SDK1: variants seen among roughly 807,000 people sequenced by gnomAD.
The protein encoded by SDK1 is sidekick cell adhesion molecule 1, also known as protein sidekick-1.
In SDK1, 157 loss-of-function variants were observed where a neutral mutation model predicts 245.5. The observed-to-expected ratio is 0.64, with a 90% CI of 0.56 to 0.73. The LOEUF is 0.73. Ranked by LOEUF, SDK1 falls within the 30% of genes least tolerant of loss-of-function variation. The pLI is 0.00. For missense variants in SDK1, 3,583 were observed against 3,002.3 expected, an observed-to-expected ratio of 1.19 and a Z score of -4.52; for synonymous variants, 1,647 against 1,278.5, an observed-to-expected ratio of 1.29 and a Z score of -6.15.
intron 22 of SDK1, among the ~76,000 whole-genome samples, chr7:4,104,767 G>A (rs764723577): frequency 1.3e-5 from 2 of 152,064 alleles, no homozygotes; most frequent in Non-Finnish European, 2.9e-5. Flanking sequence ...GCAGTGGTGT[G>A]ATCATAGCTA....
At chr7:4,073,992 C>T (rs1348999302) in intron 20 of SDK1, among the ~76,000 whole-genome samples, 2 of 152,074 alleles carry the variant, frequency 1.3e-5, no homozygotes, top group African/African-American at 2.4e-5. Context: ...ACAGTCTTCC[C>T]GGACATCGCC....
chr7:4,217,530 C>T lies in SDK1; in HGVS notation c.5540-2579C>T, dbSNP rs1191692771. On this transcript the variant is annotated intron_variant, in intron 38 of 44. Transcript: ENST00000404826. ...GAGCACCACACCACCCGGAGCACCA[C>T]ACCACCCGGAGCACCAGGCCACCCG... 2.6e-4 allele frequency among the ~76,000 whole-genome samples: 26 copies of T among 99,120 alleles called. 1 individual carries two copies. Among genetic ancestry groups the T allele is most frequent in the African/African-American group, 7.6e-4 (21 of 27,648 alleles). The allele number at this position is 99,120 out of a possible 152,430, so 65.0% of individuals were successfully genotyped here.
At chr7:3,979,334 C>T (rs1212078941) in intron 13 of SDK1, among the ~76,000 whole-genome samples, 3 of 152,252 alleles carry the variant, frequency 2.0e-5, no homozygotes, top group South Asian at 2.1e-4. Flanking sequence ...GAATGCTGTT[C>T]CCCCCTTTCC....
intron 22 of SDK1, among the ~76,000 whole-genome samples, chr7:4,097,710 TCTC>T (rs970911520): frequency 6.6e-6 from 1 of 152,144 alleles, no homozygotes; most frequent in African/African-American, 2.4e-5. Context: ...ACTACTTCTG[TCTC>T]CTCCTTCCCT....
chr7:3,967,743 G>A (rs1019090431), intron 10 of SDK1, among the ~76,000 whole-genome samples: 1 of 152,160 alleles, frequency 6.6e-6, no homozygotes, highest in Non-Finnish European at 1.5e-5. Flanking sequence ...TGGAGGGTGT[G>A]CGTTCCTATG....
chr7:3,497,254 G>T (rs1782052763), intron 1 of SDK1, among the ~76,000 whole-genome samples: 1 of 152,134 alleles, frequency 6.6e-6, no homozygotes, highest in Admixed American at 6.5e-5. Context: ...TGCCCCTAAG[G>T]TAGGCATTCC....
At chr7:3,890,204 C>G (rs545889070) in intron 5 of SDK1, among the ~76,000 whole-genome samples, 196 of 152,346 alleles carry the variant, frequency 1.3e-3, no homozygotes, top group African/African-American at 4.4e-3. Flanking sequence ...TCACCTGTGG[C>G]CTTTCTAGTC....
At chr7:3,381,694 T>C (rs1247670353) in intron 1 of SDK1, among the ~76,000 whole-genome samples, 2 of 151,992 alleles carry the variant, frequency 1.3e-5, no homozygotes, top group African/African-American at 4.8e-5. Context: ...CCAGGGGATA[T>C]GCTTTGAAGG....
chr7:3,644,790 A>AC (rs1337424643), intron 4 of SDK1, among the ~76,000 whole-genome samples: 2 of 141,802 alleles, frequency 1.4e-5, no homozygotes, highest in South Asian at 2.4e-4. Context: ...AAAAAAAAAA[A>AC]AACAAAAAAC....
At chr7:3,671,442 C>T (rs1464356646) in intron 4 of SDK1, among the ~76,000 whole-genome samples, 1 of 152,166 alleles carries the variant, frequency 6.6e-6, no homozygotes, top group Non-Finnish European at 1.5e-5. Context: ...TACTTTGTTG[C>T]TCATTGAATG....
intron 1 of SDK1, among the ~76,000 whole-genome samples, chr7:3,530,713 A>G (rs1482411117): frequency 1.3e-5 from 2 of 152,196 alleles, no homozygotes; most frequent in Non-Finnish European, 2.9e-5. Flanking sequence ...GTACATAAAT[A>G]AGGAAAATGT....
At chr7:3,640,123 A>G (rs1309424634) in intron 3 of SDK1, among the ~76,000 whole-genome samples, 1 of 152,146 alleles carries the variant, frequency 6.6e-6, no homozygotes, top group Non-Finnish European at 1.5e-5. Flanking sequence ...AGCCTTCCAA[A>G]GTGCTGGGAT....
intron 22 of SDK1, among the ~76,000 whole-genome samples, chr7:4,083,070 A>T (rs984369192): frequency 6.6e-5 from 10 of 152,012 alleles, no homozygotes; most frequent in African/African-American, 2.2e-4. Flanking sequence ...CAAATTGTTA[A>T]AAAAAAATGT....
intron 22 of SDK1, among the ~76,000 whole-genome samples, chr7:4,089,126 C>G (rs1444025733): frequency 6.8e-6 from 1 of 147,188 alleles, no homozygotes; most frequent in Admixed American, 6.6e-5. Flanking sequence ...GAGACCCTCC[C>G]TCAGGCGGAG....
chr7:4,142,135 G>C (rs1033422576), intron 28 of SDK1, among the ~76,000 whole-genome samples: 3 of 152,158 alleles, frequency 2.0e-5, no homozygotes, highest in African/African-American at 4.8e-5. Context: ...ATCCCACCTC[G>C]ACAGTGTGGA....
At chr7:3,425,476 A>ATAT (rs1779649948) in intron 1 of SDK1, among the ~76,000 whole-genome samples, 1 of 152,202 alleles carries the variant, frequency 6.6e-6, no homozygotes, top group South Asian at 2.1e-4. Context: ...ATATAACTTA[A>ATAT]TACCAGCATG....
At chr7:3,658,623 T>C (rs1301912512) in intron 4 of SDK1, among the ~76,000 whole-genome samples, 2 of 147,504 alleles carry the variant, frequency 1.4e-5, no homozygotes, top group Admixed American at 6.7e-5. Context: ...TTTTTTTTTT[T>C]TTTTTTGAGA....
rs1380852241 is a variant in SDK1 at position 3,755,682 on chromosome 7, C to T, written c.714-65768C>T. The stretch of plus-strand genomic sequence containing the variant: ...GTAACCAACTCCTTCCCCCCAACCC[C>T]TCACCCCAAACAAACGCTGATAGGT... On this transcript the variant is annotated intron_variant, in intron 4 of 44. Coordinates refer to ENST00000404826, the MANE Select transcript of SDK1 (RefSeq NM_152744.4). Among the ~76,000 whole-genome samples, 12 of 152,110 alleles carry T rather than the reference C, an allele frequency of 7.9e-5. No homozygotes were observed. In the East Asian group the frequency reaches 2.1e-3, roughly 27 times the overall value.
intron 4 of SDK1, among the ~76,000 whole-genome samples, chr7:3,675,668 G>A (rs1034079970): frequency 6.6e-6 from 1 of 152,036 alleles, no homozygotes; most frequent in African/African-American, 2.4e-5. Flanking sequence ...GGAACTCCCG[G>A]TCTCAAGCCA....
Sources: allele counts gnomAD v4.1 joint callset (sites outside exome capture counted in the v4.1 genomes callset), GRCh38; gene constraint gnomAD v4.1.1; transcripts MANE v1.5; gene names NCBI Gene and HGNC (gene_info 2026-07-23, HGNC 2026-07-21).